The following TUBGCP5 variants were observed in gnomAD, a reference collection of about 807,000 sequenced individuals.
TUBGCP5 encodes the protein tubulin gamma complex component 5, also known as gamma-tubulin complex component 5.
TUBGCP5 carries 98 observed loss-of-function variants against 134.7 expected under a neutral mutation model. The observed-to-expected ratio is 0.73, with a 90% confidence interval of 0.62 to 0.86. The LOEUF is 0.86. Among genes scored for constraint, TUBGCP5 ranks in the 40% least tolerant of loss-of-function variants. TUBGCP5 has a pLI of 0.00. For synonymous variants in TUBGCP5, 456 were observed against 431.4 expected, an observed-to-expected ratio of 1.06 and a Z score of -0.71; for missense variants, 1,150 against 1,244.8, an observed-to-expected ratio of 0.92 and a Z score of 1.15.
chr15:22,989,790 G>A (rs1567077999), intron 23 of TUBGCP5, among the ~76,000 whole-genome samples: 1 of 152,192 alleles, frequency 6.6e-6, no homozygotes, highest in Non-Finnish European at 1.5e-5. Flanking sequence ...CCTTGTTCAA[G>A]CTGGAGTGGG....
intron 21 of TUBGCP5, 63 bp from the exon 22 acceptor site, chr15:23,000,732 A>G (rs2064323962): frequency 3.3e-6 from 4 of 1,196,698 alleles, no homozygotes; most frequent in Admixed American, 2.4e-5. Context: ...AGGCTTCAAG[A>G]TATCTGTGGA....
At chr15:23,012,735 G>C (rs958710613) in intron 13 of TUBGCP5, among the ~76,000 whole-genome samples, 1 of 152,066 alleles carries the variant, frequency 6.6e-6, no homozygotes, top group Non-Finnish European at 1.5e-5. Flanking sequence ...ATTTATGATC[G>C]AGTCTGAACT....
chr15:23,003,639 T>A (rs1052348319), intron 20 of TUBGCP5, among the ~76,000 whole-genome samples: 1 of 102,050 alleles, frequency 9.8e-6, no homozygotes. Context: ...TCTGTTTTTT[T>A]TTTTTTTTTT....
chr15:23,001,254 G>T (rs964962488), intron 21 of TUBGCP5, among the ~76,000 whole-genome samples: 1 of 151,688 alleles, frequency 6.6e-6, no homozygotes, highest in Non-Finnish European at 1.5e-5. Flanking sequence ...TGTTGGTCAG[G>T]CTGGTCTCGA....
In TUBGCP5 at chr15:23,024,074, C is replaced by G. The variant is rs1454865261; in HGVS notation, c.1041G>C (p.Gly347=). The G allele has an allele frequency of 6.2e-7, 1 of 1,614,152 alleles. No homozygotes were observed. Among genetic ancestry groups the G allele is most frequent in the Non-Finnish European group, 8.5e-7 (1 of 1,180,012 alleles). ...HSSESMLPGS[G]SVPKKSTEAP... is the part of the protein sequence containing the mutation. ...CTTCAGTTGACTTCTTAGGAACAGA[C>G]CCACTTCCAGGCAGCATGCTCTCAG... The change falls in exon 10 of 23, where the codon GGG becomes GGC. Residue 347 remains glycine (G), a synonymous_variant. Transcript: ENST00000615383.
chr15:22,993,524 A>C (rs1388030122), intron 23 of TUBGCP5, among the ~76,000 whole-genome samples: 1 of 83,114 alleles, frequency 1.2e-5, no homozygotes, highest in East Asian at 3.1e-4. Context: ...CAGCCCCCGA[A>C]GTTTTTTTTT....
Position 23,027,957 on chromosome 15 carries a change from C to A in TUBGCP5, c.623-651G>T. The stretch of plus-strand genomic sequence containing the variant: ...CACTACGGAAGTCTCAGGACTGGTG[C>A]TAAATTTTGAAGGATTAGATAACCT... On this transcript the variant is annotated intron_variant, in intron 6 of 22. Coordinates refer to ENST00000615383, the MANE Select transcript of TUBGCP5 (RefSeq NM_052903.6). Among the ~76,000 whole-genome samples the A allele has an allele frequency of 1.3e-5, 2 of 152,012 alleles. 1 individual carries two copies. Among genetic ancestry groups the A allele is most frequent in the Non-Finnish European group, 2.9e-5 (2 of 68,010 alleles).
At chr15:23,019,394 A>G in intron 11 of TUBGCP5, 60 bp from the exon 12 acceptor site, 1 of 1,060,764 alleles carries the variant, frequency 9.4e-7, no homozygotes, top group Non-Finnish European at 1.4e-6. Flanking sequence ...GGATAAAAGG[A>G]GGTTTAAACA....
Position 23,022,082 on chromosome 15 carries a change from A to C in TUBGCP5, c.1248T>G (p.Phe416Leu). ...GTGGAACTTCTGCTACTCCAGTACT[A>C]AACACTTTGTGCAGAACCTTGAGCT... The part of the protein sequence containing the change: ...LSQLKVLHKV[F>L]STGVAEVPPD... The change falls in exon 11 of 23, where the codon TTT (phenylalanine) becomes TTG (leucine). Residue 416 changes from phenylalanine to leucine, a missense_variant. Physicochemically the swap from Phe to Leu is conservative, Grantham distance 22 (BLOSUM62 0). Transcript: ENST00000615383. 6.2e-7 allele frequency: 1 copy of C among 1,614,196 alleles called. No homozygotes were observed. Among genetic ancestry groups the C allele is most frequent in the South Asian group, 1.1e-5 (1 of 91,086 alleles).
At chr15:23,015,178 C>T (rs117758024) in intron 13 of TUBGCP5, among the ~76,000 whole-genome samples, 88 of 152,136 alleles carry the variant, frequency 5.8e-4, no homozygotes, top group Admixed American at 1.0e-3. Context: ...CTCCGCCTTC[C>T]GGGTTCCAGT....
rs770084780 is a variant in TUBGCP5, at chr15:23,030,905, T to C, written c.602A>G (p.Asp201Gly). The C allele has an allele frequency of 1.2e-6, 2 of 1,612,544 alleles. No homozygotes were observed. Among genetic ancestry groups the C allele is most frequent in the South Asian group, 1.1e-5 (1 of 90,920 alleles). Residue 201 changes from aspartate (D) to glycine (G), a missense_variant, in exon 6 of 23, where the codon GAT (aspartate) becomes GGT (glycine). Transcript: ENST00000615383. The part of the protein sequence containing the change: ...LEEQDQNRKL[D>G]PCISWKDEPD... Reference sequence around the variant, plus strand: ...AATACCTTTCCAACTGATACAAGGATCCAGTTTTCTGTTTTGATCTTGTTC... The same window carrying C: ...AATACCTTTCCAACTGATACAAGGACCCAGTTTTCTGTTTTGATCTTGTTC...
chr15:23,003,235 T>C, intron 20 of TUBGCP5, 82 bp from the exon 21 acceptor site: 1 of 1,391,864 alleles, frequency 7.2e-7, no homozygotes. Flanking sequence ...TTTAAATGAA[T>C]CACAGAAAAA....
chr15:23,003,215 T>G, intron 20 of TUBGCP5, 62 bp from the exon 21 acceptor site: 1 of 1,462,152 alleles, frequency 6.8e-7, no homozygotes, highest in South Asian at 1.2e-5. Flanking sequence ...ATACCAACAC[T>G]TTTACCTATT....
At chr15:22,983,028 A>T (rs538977610), downstream of TUBGCP5, among the ~76,000 whole-genome samples, 1 of 152,350 alleles carries the variant, frequency 6.6e-6, no homozygotes, top group Admixed American at 6.5e-5. Context: ...ACTCATAGAG[A>T]TTTGAACTTC....
At chr15:23,005,713 C>A (rs2064668890) in intron 18 of TUBGCP5, 103 bp from the exon 19 acceptor site, 2 of 1,249,458 alleles carry the variant, frequency 1.6e-6, no homozygotes, top group Non-Finnish European at 2.2e-6. Context: ...GTCCTGGCAC[C>A]ACAGAAAGCA....
At chr15:23,022,619 T>C (rs188745328) in intron 10 of TUBGCP5, among the ~76,000 whole-genome samples, 77 of 152,288 alleles carry the variant, frequency 5.1e-4, no homozygotes, top group Non-Finnish European at 8.1e-4. Context: ...TATGTGGAGC[T>C]AGACATGTGA....
chr15:23,010,459 A>G (rs2064970388), intron 14 of TUBGCP5, among the ~76,000 whole-genome samples: 1 of 152,158 alleles, frequency 6.6e-6, no homozygotes, highest in African/African-American at 2.4e-5. Flanking sequence ...AGCCCAGGAC[A>G]TATTATATGC....
intron 7 of TUBGCP5, 31 bp from the exon 8 acceptor site, chr15:23,026,236 A>G: frequency 1.3e-6 from 2 of 1,580,326 alleles, no homozygotes; most frequent in Non-Finnish European, 1.7e-6. Flanking sequence ...ATGTCAATAG[A>G]AAGGTTTCTA....
chr15:22,987,852 C>T (rs12908118), intron 23 of TUBGCP5, among the ~76,000 whole-genome samples: 31,877 of 142,988 alleles, frequency 0.22, 4,014 homozygotes, highest in African/African-American at 0.33. Flanking sequence ...GCCGAGATTG[C>T]GCCACCACAC....
Sources: allele counts gnomAD v4.1 joint callset (sites outside exome capture counted in the v4.1 genomes callset), GRCh38; gene constraint gnomAD v4.1.1; transcripts MANE v1.5; gene names NCBI Gene and HGNC (gene_info 2026-07-23, HGNC 2026-07-21).